The following MRPS5 variants were observed in gnomAD, a reference collection of about 807,000 sequenced individuals.
MRPS5 encodes mitochondrial ribosomal protein S5.
In MRPS5, 27 loss-of-function variants were observed where a neutral mutation model predicts 51.9. The observed-to-expected ratio is 0.52, with a 90% confidence interval of 0.38 to 0.72. The LOEUF (loss-of-function observed/expected upper bound fraction) is 0.72, where lower values mean the gene tolerates loss of function less well. Ranked by LOEUF, MRPS5 falls within the 30% of genes least tolerant of loss-of-function variation. MRPS5 has a pLI of 0.00. For synonymous variants in MRPS5, 196 were observed against 193.2 expected, an observed-to-expected ratio of 1.01 and a Z score of -0.12; for missense variants, 570 against 545.7, an observed-to-expected ratio of 1.04 and a Z score of -0.44.
chr2:95,116,151 G>C lies in MRPS5; in HGVS notation c.140-948C>G, dbSNP rs183661092. Among the ~76,000 whole-genome samples, 1,152 of 151,904 alleles carry C rather than the reference G, an allele frequency of 7.6e-3. 6 individuals carry two copies. Among genetic ancestry groups the C allele is most frequent in the Middle Eastern group, 0.024 (7 of 292 alleles). On this transcript the variant is annotated intron_variant, in intron 2 of 11. Coordinates refer to ENST00000272418, the MANE Select transcript of MRPS5 (RefSeq NM_031902.5). The stretch of plus-strand genomic sequence containing the variant: ...GAACTCCTGACCTCGTGATCCACCC[G>C]CCTCGGCCTCCCAAAGTGCTGGGAT...
intron 10 of MRPS5, among the ~76,000 whole-genome samples, chr2:95,096,604 T>C (rs1675634311): frequency 2.0e-5 from 3 of 152,148 alleles, no homozygotes; most frequent in African/African-American, 4.8e-5. Flanking sequence ...ATTATCTCAA[T>C]AGATGCAGAA....
At chr2:95,107,851 G>GC (rs1443154890) in intron 5 of MRPS5, among the ~76,000 whole-genome samples, 18 of 152,084 alleles carry the variant, frequency 1.2e-4, no homozygotes, top group Admixed American at 1.1e-3. Context: ...TGCTCCACAG[G>GC]TGTCCCTGTG....
chr2:95,118,207 A>G (rs1676346037), intron 1 of MRPS5, among the ~76,000 whole-genome samples: 1 of 152,132 alleles, frequency 6.6e-6, no homozygotes, highest in African/African-American at 2.4e-5. Flanking sequence ...TGTGGCCTCA[A>G]TGCCCCTTCT....
chr2:95,097,176 A>T (rs189331790), intron 10 of MRPS5, among the ~76,000 whole-genome samples: 1 of 152,358 alleles, frequency 6.6e-6, no homozygotes, highest in East Asian at 1.9e-4. Flanking sequence ...ATCACTGCTC[A>T]ATGAAATAAA....
At chr2:95,115,612 A>G (rs1676264486) in intron 2 of MRPS5, among the ~76,000 whole-genome samples, 1 of 152,190 alleles carries the variant, frequency 6.6e-6, no homozygotes, top group South Asian at 2.1e-4. Flanking sequence ...CATGTACACT[A>G]TCCTACTCTT....
At chr2:95,116,746 G>C (rs891762059) in intron 2 of MRPS5, among the ~76,000 whole-genome samples, 6 of 152,228 alleles carry the variant, frequency 3.9e-5, no homozygotes, top group African/African-American at 1.4e-4. Flanking sequence ...AAGACATGCA[G>C]AGTCCTTTGG....
chr2:95,115,434 T>C (rs1232353912), intron 2 of MRPS5, among the ~76,000 whole-genome samples: 2 of 152,022 alleles, frequency 1.3e-5, no homozygotes, highest in Admixed American at 6.6e-5. Context: ...GGCAGCTGGG[T>C]AAAGAAAGAA....
At chr2:95,108,552 G>A (rs1362002360) in intron 4 of MRPS5, 144 bp from the exon 5 acceptor site, 1 of 692,106 alleles carries the variant, frequency 1.4e-6, no homozygotes, top group Non-Finnish European at 2.4e-6. Flanking sequence ...TAGGTCACTT[G>A]GCACAATCAA....
In MRPS5 at chr2:95,090,432, T is replaced by G; in HGVS notation, c.1022A>C (p.Asn341Thr). The stretch of plus-strand genomic sequence containing the variant: ...GAGGCCCTGGGTGAGGCTGAGCATA[T>G]TAATGGACCCAGAGACCTTGGCATA... ...DMYAKVSGSINMLSLTQGLFR... is the reference protein window; with the variant it reads ...DMYAKVSGSITMLSLTQGLFR... Residue 341 changes from asparagine to threonine, a missense_variant, in exon 11 of 12, where the codon AAT becomes ACT. Coordinates refer to ENST00000272418, the MANE Select transcript of MRPS5 (RefSeq NM_031902.5). 6.2e-7 allele frequency: 1 copy of G among 1,614,064 alleles called. No individual in the cohort carries two copies. Among genetic ancestry groups the G allele is most frequent in the African/African-American group, 1.3e-5 (1 of 75,002 alleles).
At chr2:95,103,401 T>C (rs1419340915) in intron 7 of MRPS5, among the ~76,000 whole-genome samples, 5 of 152,228 alleles carry the variant, frequency 3.3e-5, no homozygotes, top group Non-Finnish European at 7.3e-5. Context: ...AACTGAGAGA[T>C]TTGTTTCACA....
chr2:95,086,907 A>G lies in MRPS5; in HGVS notation c.*450T>C, dbSNP rs1237689572. ...CATTTAACATTCCCAATAGTAGCCT[A>G]CAACTTCCATTTCCACTGTGGAAAA... On this transcript the variant is annotated 3_prime_UTR_variant, in exon 12 of 12. Transcript: ENST00000272418. Among the ~76,000 whole-genome samples the G allele has an allele frequency of 6.6e-6, 1 of 152,196 alleles. No individual in the cohort carries two copies. The highest frequency in any genetic ancestry group is 1.5e-5 in the Non-Finnish European group (1 of 68,028).
intron 3 of MRPS5, among the ~76,000 whole-genome samples, chr2:95,110,922 T>C (rs1676099611): frequency 6.6e-6 from 1 of 152,232 alleles, no homozygotes; most frequent in African/African-American, 2.4e-5. Context: ...TTCTAGAAGA[T>C]AAATGAGTAC....
intron 10 of MRPS5, among the ~76,000 whole-genome samples, chr2:95,097,548 A>G (rs1675663488): frequency 6.6e-6 from 1 of 152,222 alleles, no homozygotes. Context: ...AACACCACAC[A>G]TCTACAACCA....
intron 3 of MRPS5, 108 bp from the exon 4 acceptor site, chr2:95,110,149 A>G: frequency 7.2e-7 from 1 of 1,385,442 alleles, no homozygotes; most frequent in Non-Finnish European, 9.8e-7. Flanking sequence ...AGCTTTACCC[A>G]TGCATCACTG....
chr2:95,121,803 A>G lies in MRPS5; in HGVS notation c.-12T>C, dbSNP rs376073209. The G allele has an allele frequency of 7.2e-4, 1,109 of 1,538,770 alleles. 3 individuals carry two copies. Among genetic ancestry groups the G allele is most frequent in the South Asian group, 2.0e-3 (171 of 83,918 alleles). On this transcript the variant is annotated 5_prime_UTR_variant, in exon 1 of 12. Coordinates refer to ENST00000272418, the MANE Select transcript of MRPS5 (RefSeq NM_031902.5). Reference sequence around the variant, plus strand: ...ACCGCGGTCGCCATGCTGGAGTCCGAGCCGCGCCTCGGCCTCCGCCCAGGG... The same window carrying G: ...ACCGCGGTCGCCATGCTGGAGTCCGGGCCGCGCCTCGGCCTCCGCCCAGGG...
intron 6 of MRPS5, 22 bp downstream of exon 6, chr2:95,106,401 G>A (rs1259356212): frequency 4.4e-6 from 7 of 1,585,472 alleles, no homozygotes; most frequent in Non-Finnish European, 5.2e-6. Context: ...GCTTAACCAG[G>A]TATTTAATTC....
In MRPS5 at chr2:95,115,188, A is replaced by G. The variant is rs771155530; in HGVS notation, c.155T>C (p.Leu52Pro). 5.0e-6 allele frequency: 8 copies of G among 1,602,156 alleles called. No homozygotes were observed. The highest frequency in any genetic ancestry group is 6.8e-6 in the Non-Finnish European group (8 of 1,176,878). ...SVLGNGHLSS[L>P]GTRDTHPYAS... Reference sequence around the variant, plus strand: ...GTAGGGATGGGTGTCTCTGGTTCCCAGTGATGACAAATGGCCTGTAGGCAG... The same window carrying G: ...GTAGGGATGGGTGTCTCTGGTTCCCGGTGATGACAAATGGCCTGTAGGCAG... Residue 52 changes from leucine (L) to proline (P), a missense_variant, in exon 3 of 12, where the codon CTG becomes CCG. Coordinates refer to ENST00000272418, the MANE Select transcript of MRPS5 (RefSeq NM_031902.5).
intron 3 of MRPS5, among the ~76,000 whole-genome samples, chr2:95,114,603 A>G (rs1042818454): frequency 2.0e-5 from 3 of 152,152 alleles, no homozygotes; most frequent in Non-Finnish European, 4.4e-5. Context: ...CCTAATGCTG[A>G]GTTTTAAACT....
intron 9 of MRPS5, 120 bp from the exon 10 acceptor site, chr2:95,100,656 TG>T: frequency 2.2e-6 from 2 of 904,636 alleles, no homozygotes; most frequent in East Asian, 4.9e-5. Flanking sequence ...CAAAGATAAA[TG>T]GTAAGCTCTG....
Sources: gnomAD v4.1 joint callset for allele counts (sites outside exome capture counted in the v4.1 genomes callset) on GRCh38, gnomAD v4.1.1 for gene constraint, MANE v1.5 for transcripts, NCBI Gene and HGNC (gene_info 2026-07-23, HGNC 2026-07-21) for gene names.